Variants in TANC1 observed in about 807,000 individuals in gnomAD.
TANC1 encodes the protein tetratricopeptide repeat, ankyrin repeat and coiled-coil containing 1.
A neutral mutation model predicts 149.7 loss-of-function variants in TANC1; 77 were observed. The observed-to-expected ratio is 0.51, with a 90% CI of 0.43 to 0.62. The LOEUF (loss-of-function observed/expected upper bound fraction) is 0.62, where lower values mean the gene tolerates loss of function less well. Among genes scored for constraint, TANC1 ranks in the 20% least tolerant of loss-of-function variants. TANC1 has a pLI of 0.00. For synonymous variants in TANC1, 854 were observed against 925.0 expected (o/e 0.92, Z 1.39); for missense variants, 1,985 against 2,321.8 (o/e 0.85, Z 2.98).
intron 2 of TANC1, chr2:159,003,947 G>C (rs1160375245): frequency 8.7e-6 from 14 of 1,612,750 alleles, no homozygotes; most frequent in African/African-American, 8.0e-5. Context: ...AGCCACAGCT[G>C]ATGACAAAAA....
At chr2:158,988,470 T>G (rs1466479623) in intron 1 of TANC1, among the ~76,000 whole-genome samples, 2 of 152,186 alleles carry the variant, frequency 1.3e-5, no homozygotes, top group African/African-American at 4.8e-5. Flanking sequence ...TGCTGCTGAT[T>G]AGTTCATTTT....
chr2:159,113,614 C>G (rs187272572), intron 4 of TANC1, among the ~76,000 whole-genome samples: 2 of 152,164 alleles, frequency 1.3e-5, no homozygotes, highest in African/African-American at 4.8e-5. Context: ...TTTTATTGTC[C>G]TCTCTCCTGT....
intron 4 of TANC1, among the ~76,000 whole-genome samples, chr2:159,132,463 G>T (rs1465549193): frequency 6.6e-6 from 1 of 151,580 alleles, no homozygotes; most frequent in Non-Finnish European, 1.5e-5. Context: ...AGGAGGGAGG[G>T]GTACAGTTTT....
chr2:159,060,903 G>A (rs1559185102), intron 2 of TANC1, among the ~76,000 whole-genome samples: 1 of 152,076 alleles, frequency 6.6e-6, no homozygotes, highest in Non-Finnish European at 1.5e-5. Flanking sequence ...GGTGTTTTTT[G>A]TTATATTTTA....
At chr2:159,228,687 CTCT>C in intron 25 of TANC1, 106 bp from the exon 26 acceptor site, 1 of 736,564 alleles carries the variant, frequency 1.4e-6, no homozygotes, top group East Asian at 2.5e-5. Flanking sequence ...CTTCCTCCCT[CTCT>C]GGCTGTGCCT....
intron 2 of TANC1, among the ~76,000 whole-genome samples, chr2:159,028,743 T>A (rs1257023271): frequency 1.3e-5 from 2 of 152,184 alleles, no homozygotes; most frequent in African/African-American, 4.8e-5. Context: ...TCTGCTTCTA[T>A]GAGTTTGATT....
intron 2 of TANC1, among the ~76,000 whole-genome samples, chr2:159,052,830 A>G (rs964701451): frequency 2.0e-5 from 3 of 152,260 alleles, no homozygotes; most frequent in African/African-American, 7.2e-5. Context: ...ATTTATGCCC[A>G]TCGCTGCTTT....
At chr2:159,062,102 G>A (rs375545286) in intron 2 of TANC1, among the ~76,000 whole-genome samples, 94 of 152,234 alleles carry the variant, frequency 6.2e-4, no homozygotes, top group African/African-American at 1.8e-3. Flanking sequence ...GCTGGGTGTG[G>A]TGGTGGGTGC....
chr2:159,204,891 C>T (rs1269771114), intron 19 of TANC1, among the ~76,000 whole-genome samples: 3 of 152,234 alleles, frequency 2.0e-5, no homozygotes, highest in African/African-American at 7.2e-5. Flanking sequence ...TATTTAGCTG[C>T]GTCGTAGGCC....
chr2:158,986,923 C>T, intron 1 of TANC1, among the ~76,000 whole-genome samples: 1 of 151,756 alleles, frequency 6.6e-6, no homozygotes, highest in East Asian at 1.9e-4. Flanking sequence ...AAGCTTGATT[C>T]TGAGTACTTT....
chr2:159,047,188 T>TC (rs58004948), intron 2 of TANC1, among the ~76,000 whole-genome samples: 39,840 of 142,516 alleles, frequency 0.28, 6,274 homozygotes, highest in Non-Finnish European at 0.38. Context: ...TGAACTCATT[T>TC]CCCCCCCCCA....
At chr2:159,190,497 C>T (rs1382588051) in intron 16 of TANC1, among the ~76,000 whole-genome samples, 1 of 152,146 alleles carries the variant, frequency 6.6e-6, no homozygotes, top group Non-Finnish European at 1.5e-5. Flanking sequence ...ATTCTGTCCA[C>T]GCTGTTACTC....
chr2:159,087,055 G>C (rs1369365892), intron 3 of TANC1, among the ~76,000 whole-genome samples: 1 of 151,988 alleles, frequency 6.6e-6, no homozygotes, highest in African/African-American at 2.4e-5. Flanking sequence ...TATTGTTAGC[G>C]AGTTCTGGCA....
intron 4 of TANC1, among the ~76,000 whole-genome samples, chr2:159,110,625 T>C (rs2047633240): frequency 6.6e-6 from 1 of 152,194 alleles, no homozygotes; most frequent in African/African-American, 2.4e-5. Flanking sequence ...TTCTGTGGTA[T>C]GTGAAAAGTA....
At chr2:159,093,036 T>G (rs1194639650) in intron 3 of TANC1, among the ~76,000 whole-genome samples, 2 of 152,220 alleles carry the variant, frequency 1.3e-5, no homozygotes, top group Non-Finnish European at 2.9e-5. Context: ...TGCTGTGCGA[T>G]GGAAAGCATT....
rs1371031553 is a variant in TANC1 at position 159,133,872 on chromosome 2, T to G, written c.260-2322T>G. 1.3e-5 allele frequency among the ~76,000 whole-genome samples: 2 copies of G among 152,258 alleles called. 1 individual carries two copies. Reference sequence around the variant, plus strand: ...AAATACCGTCCTTATTTGTAAAGTATTATTAGCTTATTTGATAACAGTCTA... The same window carrying G: ...AAATACCGTCCTTATTTGTAAAGTAGTATTAGCTTATTTGATAACAGTCTA... On this transcript the variant is annotated intron_variant, in intron 4 of 26. Coordinates refer to ENST00000263635, the MANE Select transcript of TANC1 (RefSeq NM_033394.3).
intron 4 of TANC1, among the ~76,000 whole-genome samples, chr2:159,128,044 A>G (rs964003214): frequency 1.3e-5 from 2 of 152,196 alleles, no homozygotes; most frequent in African/African-American, 4.8e-5. Context: ...GCTTATTAAG[A>G]GTGGTGTTAG....
At chr2:159,095,604 C>T (rs139989899) in intron 3 of TANC1, among the ~76,000 whole-genome samples, 2,436 of 151,932 alleles carry the variant, frequency 0.016, 132 homozygotes, top group Admixed American at 0.11. Context: ...GGTGTGGTGG[C>T]GGGCGCCTGT....
chr2:159,036,575 G>T (rs1474363083), intron 2 of TANC1, among the ~76,000 whole-genome samples: 1 of 151,702 alleles, frequency 6.6e-6, no homozygotes, highest in African/African-American at 2.4e-5. Context: ...TGTTTTCATT[G>T]TTCAATTCCC....
Sources: allele counts gnomAD v4.1 joint callset (sites outside exome capture counted in the v4.1 genomes callset), GRCh38; gene constraint gnomAD v4.1.1; transcripts MANE v1.5; gene names NCBI Gene and HGNC (gene_info 2026-07-23, HGNC 2026-07-21).